The following KCND3 variants were observed in gnomAD, a reference collection of about 807,000 sequenced individuals.
KCND3 encodes A-type voltage-gated potassium channel KCND3.
A neutral mutation model predicts 51.1 loss-of-function variants in KCND3; 9 were observed. That is an observed-to-expected ratio of 0.18 (90% CI 0.11 to 0.31). The LOEUF is 0.31. Ranked by LOEUF, KCND3 falls within the 10% of genes least tolerant of loss-of-function variation. The pLI is 1.00. For missense variants in KCND3, 526 were observed against 903.8 expected (o/e 0.58, Z 5.36); for synonymous variants, 349 against 368.0 (o/e 0.95, Z 0.59).
chr1:111,959,853 T>A (rs966737805), intron 2 of KCND3, among the ~76,000 whole-genome samples: 1 of 152,114 alleles, frequency 6.6e-6, no homozygotes, highest in Non-Finnish European at 1.5e-5. Flanking sequence ...CATCTTGAAT[T>A]GTAGTTCCCG....
At chr1:111,989,375 C>T (rs1396112186) in intron 1 of KCND3, among the ~76,000 whole-genome samples, 130 bp downstream of exon 1, 1 of 152,118 alleles carries the variant, frequency 6.6e-6, no homozygotes, top group Non-Finnish European at 1.5e-5. Flanking sequence ...CCAATCCTTC[C>T]GGCGCCCCAG....
intron 2 of KCND3, among the ~76,000 whole-genome samples, chr1:111,929,535 T>C (rs1448433128): frequency 2.0e-5 from 3 of 152,256 alleles, no homozygotes; most frequent in Non-Finnish European, 4.4e-5. Context: ...AAACTGTTCC[T>C]TTTTTAAGTT....
intron 2 of KCND3, among the ~76,000 whole-genome samples, chr1:111,942,597 C>T (rs146251750): frequency 5.4e-4 from 83 of 152,316 alleles, no homozygotes; most frequent in African/African-American, 1.9e-3. Flanking sequence ...TCCTGCCCTC[C>T]GGATAACCAA....
At chr1:111,931,797 G>A (rs1671985060) in intron 2 of KCND3, among the ~76,000 whole-genome samples, 1 of 152,222 alleles carries the variant, frequency 6.6e-6, no homozygotes, top group Admixed American at 6.5e-5. Context: ...TGTGCCATGA[G>A]ATAATAGCTC....
chr1:111,960,660 C>T (rs1156755333), intron 2 of KCND3, among the ~76,000 whole-genome samples: 1 of 152,224 alleles, frequency 6.6e-6, no homozygotes, highest in African/African-American at 2.4e-5. Flanking sequence ...GTTAACCATA[C>T]AGGCTGAGAC....
chr1:111,899,003 G>A (rs1053688866), intron 2 of KCND3, among the ~76,000 whole-genome samples: 1 of 152,154 alleles, frequency 6.6e-6, no homozygotes, highest in Non-Finnish European at 1.5e-5. Flanking sequence ...GAACAGGGTG[G>A]CATAATCCTA....
At chr1:111,809,631 G>A (rs1396035178) in intron 2 of KCND3, among the ~76,000 whole-genome samples, 1 of 151,688 alleles carries the variant, frequency 6.6e-6, no homozygotes. Flanking sequence ...TCTAGACTTG[G>A]AAAAATTGTC....
intron 2 of KCND3, among the ~76,000 whole-genome samples, chr1:111,830,240 C>A (rs1286643174): frequency 6.6e-6 from 1 of 152,198 alleles, no homozygotes; most frequent in Non-Finnish European, 1.5e-5. Flanking sequence ...CAAATCTGAT[C>A]CCATCACTCC....
intron 2 of KCND3, among the ~76,000 whole-genome samples, chr1:111,915,755 A>AAAAC (rs1671181264): frequency 6.6e-6 from 1 of 151,136 alleles, no homozygotes; most frequent in African/African-American, 2.4e-5. Flanking sequence ...TCTGTCTCAA[A>AAAAC]AAAAAAAAAA....
At chr1:111,894,764 G>C (rs1670016696) in intron 2 of KCND3, among the ~76,000 whole-genome samples, 2 of 152,138 alleles carry the variant, frequency 1.3e-5, no homozygotes, top group South Asian at 4.1e-4. Context: ...CTGGCTACGG[G>C]GACTGTGCCT....
chr1:111,859,266 C>A (rs1285188750), intron 2 of KCND3, among the ~76,000 whole-genome samples: 1 of 151,418 alleles, frequency 6.6e-6, no homozygotes, highest in African/African-American at 2.4e-5. Flanking sequence ...TTCTTCTTCT[C>A]CCAAGGTCCT....
chr1:111,848,130 G>C (rs1023391406), intron 2 of KCND3, among the ~76,000 whole-genome samples: 1 of 152,176 alleles, frequency 6.6e-6, no homozygotes, highest in Non-Finnish European at 1.5e-5. Flanking sequence ...GCCTTGTCTC[G>C]AGCAGCTCGC....
chr1:111,873,754 T>C (rs1366203855), intron 2 of KCND3, among the ~76,000 whole-genome samples: 1 of 152,116 alleles, frequency 6.6e-6, no homozygotes, highest in East Asian at 1.9e-4. Context: ...ATTTCCAAGT[T>C]ATTGAAATTC....
chr1:111,834,154 A>G (rs1274154183), intron 2 of KCND3, among the ~76,000 whole-genome samples: 3 of 152,228 alleles, frequency 2.0e-5, no homozygotes, highest in Non-Finnish European at 4.4e-5. Context: ...ATCTGCATCT[A>G]GCTCTCTCCC....
At chr1:111,805,858 G>A (rs1271588934) in intron 2 of KCND3, among the ~76,000 whole-genome samples, 1 of 152,214 alleles carries the variant, frequency 6.6e-6, no homozygotes, top group African/African-American at 2.4e-5. Flanking sequence ...GAAAACAGAG[G>A]CTCAGAGGTC....
At chr1:111,877,968 A>G (rs1390640225) in intron 2 of KCND3, among the ~76,000 whole-genome samples, 1 of 152,146 alleles carries the variant, frequency 6.6e-6, no homozygotes, top group East Asian at 1.9e-4. Flanking sequence ...AACTCATCTA[A>G]TCATCACAAG....
intron 2 of KCND3, among the ~76,000 whole-genome samples, chr1:111,980,584 G>A (rs1382652250): frequency 1.3e-5 from 2 of 152,030 alleles, no homozygotes; most frequent in Non-Finnish European, 2.9e-5. Flanking sequence ...GCAATATAAC[G>A]CTTCCTAGCC....
intron 2 of KCND3, among the ~76,000 whole-genome samples, chr1:111,840,648 G>C (rs571203894): frequency 6.6e-6 from 1 of 152,178 alleles, no homozygotes; most frequent in South Asian, 2.1e-4. Context: ...CTGTAATATA[G>C]ACATTTCACT....
At chr1:111,976,330 C>G (rs541316773) in intron 2 of KCND3, among the ~76,000 whole-genome samples, 1 of 152,326 alleles carries the variant, frequency 6.6e-6, no homozygotes, top group South Asian at 2.1e-4. Flanking sequence ...CCTCCTAAGC[C>G]TAAAATCAGA....
Sources: gnomAD v4.1 joint callset for allele counts (sites outside exome capture counted in the v4.1 genomes callset) on GRCh38, gnomAD v4.1.1 for gene constraint, MANE v1.5 for transcripts, NCBI Gene and HGNC (gene_info 2026-07-23, HGNC 2026-07-21) for gene names.